CCDC110: variants seen among roughly 807,000 people sequenced by gnomAD.
CCDC110 encodes the protein coiled-coil domain containing 110, also known as coiled-coil domain-containing protein 110.
In CCDC110, 70 loss-of-function variants were observed where a neutral mutation model predicts 77.1. That is an observed-to-expected ratio of 0.91 (90% CI 0.75 to 1.11). The LOEUF (loss-of-function observed/expected upper bound fraction) is 1.11, where lower values mean the gene tolerates loss of function less well. Ranked by LOEUF, CCDC110 falls within the 50% of genes least tolerant of loss-of-function variation. The pLI is 0.00. For synonymous variants in CCDC110, 295 were observed against 312.5 expected, an observed-to-expected ratio of 0.94 and a Z score of 0.59; for missense variants, 868 against 942.9, an observed-to-expected ratio of 0.92 and a Z score of 1.04.
chr4:185,458,998 A>G lies in CCDC110; in HGVS notation c.1589T>C (p.Ile530Thr). 1 of 1,600,672 alleles carries G rather than the reference A, an allele frequency of 6.2e-7. No individual in the cohort carries two copies. The highest frequency in any genetic ancestry group is 8.5e-7 in the Non-Finnish European group (1 of 1,176,434). Residue 530 changes from isoleucine to threonine, a missense_variant, in exon 6 of 7, where the codon ATA becomes ACA. Coordinates refer to ENST00000307588, the MANE Select transcript of CCDC110 (RefSeq NM_152775.4). ...GQNKTLEEKN[I>T]QLSLEKQQMM... is the part of the protein sequence containing the mutation. ...TTGTTGCTTCTCTAAAGAAAGTTGT[A>G]TATTTTTTTCCTCTAGAGTTTTATT... is the stretch of plus-strand genomic sequence containing the variant.
Position 185,445,417 on chromosome 4 carries a change from T to A in CCDC110, c.*85A>T. 1 of 955,516 alleles carries A rather than the reference T, an allele frequency of 1.0e-6. No individual in the cohort carries two copies. Among genetic ancestry groups the A allele is most frequent in the Non-Finnish European group, 1.6e-6 (1 of 614,900 alleles). The allele number at this position is 955,516 out of a possible 1,614,324, so 59.2% of individuals were successfully genotyped here. A position where few individuals can be genotyped will look rare whatever the true frequency, so the allele number is the denominator to read the frequency against. On this transcript the variant is annotated 3_prime_UTR_variant, in exon 7 of 7. Coordinates refer to ENST00000307588, the MANE Select transcript of CCDC110 (RefSeq NM_152775.4). ...GCGCCTCATTATGAGTCATTTGAGA[T>A]GAGTTAGATATGCATAGTTCAGTTA... is the stretch of plus-strand genomic sequence containing the variant.
intron 6 of CCDC110, 93 bp from the exon 7 acceptor site, chr4:185,445,635 T>C: frequency 1.3e-6 from 1 of 789,208 alleles, no homozygotes; most frequent in Non-Finnish European, 2.0e-6. Flanking sequence ...TCTTAAAACT[T>C]CAATTTTATC....
Position 185,471,069 on chromosome 4 carries a change from GGCT to G in CCDC110, c.11-23_11-21del. ...GCTTTTCTGTAACAGAACCGTCCGG[GGCT>G]GTTCTGTCGCGGGTCGTGGCGTGGC... On this transcript the variant is annotated intron_variant, in intron 1 of 6. Coordinates refer to ENST00000307588, the MANE Select transcript of CCDC110 (RefSeq NM_152775.4). 1 of 1,487,244 alleles carries G rather than the reference GGCT, an allele frequency of 6.7e-7. No individual in the cohort carries two copies. The highest frequency in any genetic ancestry group is 2.2e-5 in the African/African-American group (1 of 45,896). 92.1% of individuals were successfully genotyped at this position (1,487,244 alleles called of 1,614,324 possible).
Position 185,471,721 on chromosome 4 carries a change from C to T in CCDC110, c.-38G>A. 3 of 1,522,544 alleles carry T rather than the reference C, an allele frequency of 2.0e-6. No individual in the cohort carries two copies. In the South Asian group the frequency reaches 3.7e-5, roughly 19 times the overall value. The allele number at this position is 1,522,544 out of a possible 1,614,324, so 94.3% of individuals were successfully genotyped here. A position where few individuals can be genotyped will look rare whatever the true frequency, so the allele number is the denominator to read the frequency against. On this transcript the variant is annotated 5_prime_UTR_variant, in exon 1 of 7. Coordinates refer to ENST00000307588, the MANE Select transcript of CCDC110 (RefSeq NM_152775.4). ...TCTCTCTCGCAACCGCCGCCGCACG[C>T]ACCCGCTCCGCCGCCCCGCGCAGGG...
intron 6 of CCDC110, chr4:185,457,716 G>C: frequency 8.5e-7 from 1 of 1,177,064 alleles, no homozygotes; most frequent in Non-Finnish European, 1.1e-6. Context: ...ATTATTTTGT[G>C]GGGGGAAAAA....
At chr4:185,466,356 CAA>C (rs1459394268) in intron 2 of CCDC110, among the ~76,000 whole-genome samples, 3 of 151,982 alleles carry the variant, frequency 2.0e-5, no homozygotes, top group Admixed American at 6.6e-5. Flanking sequence ...GCCTGGGAGA[CAA>C]GAGCGAAACT....
At chr4:185,458,058 C>T (rs1580178846) in intron 6 of CCDC110, 68 bp downstream of exon 6, 2 of 1,080,108 alleles carry the variant, frequency 1.9e-6, no homozygotes, top group Admixed American at 2.8e-5. Context: ...TATTTCTGTA[C>T]TCTGTAGTGC....
chr4:185,470,927 A>C lies in CCDC110; in HGVS notation c.115+18T>G, dbSNP rs2095664990. On this transcript the variant is annotated intron_variant, in intron 2 of 6. Transcript: ENST00000307588. Reference sequence around the variant, plus strand: ...CTGTGTATAGTTAAAGGAGCCTTTTACGGTCTGGCGATTTTACCTGTGTCA... The same window carrying C: ...CTGTGTATAGTTAAAGGAGCCTTTTCCGGTCTGGCGATTTTACCTGTGTCA... 6.4e-7 allele frequency: 1 copy of C among 1,559,568 alleles called. No individual in the cohort carries two copies. The highest frequency in any genetic ancestry group is 8.8e-7 in the Non-Finnish European group (1 of 1,131,266).
intron 6 of CCDC110, among the ~76,000 whole-genome samples, chr4:185,451,812 T>C (rs1192065736): frequency 6.6e-6 from 1 of 152,224 alleles, no homozygotes; most frequent in Non-Finnish European, 1.5e-5. Flanking sequence ...AATCTGTCTT[T>C]ATAGTTAATT....
At position 185,447,401 on chromosome 4, in the gene CCDC110, T is replaced by C. The variant is rs536071556; in HGVS notation, c.2462-1859A>G. Among the ~76,000 whole-genome samples, 1,278 of 152,168 alleles carry C rather than the reference T, an allele frequency of 8.4e-3. 21 individuals are homozygous for C. The highest frequency in any genetic ancestry group is 0.04 in the South Asian group (191 of 4,816). Reference sequence around the variant, plus strand: ...TTCACTGTGTTAGCCAGGATGGACTTGATCTCCTGACCTCGTGATCCACCC... The same window carrying C: ...TTCACTGTGTTAGCCAGGATGGACTCGATCTCCTGACCTCGTGATCCACCC... On this transcript the variant is annotated intron_variant, in intron 6 of 6. Coordinates refer to ENST00000307588, the MANE Select transcript of CCDC110 (RefSeq NM_152775.4).
chr4:185,462,397 A>T (rs1268935755), intron 4 of CCDC110, among the ~76,000 whole-genome samples: 1 of 152,216 alleles, frequency 6.6e-6, no homozygotes, highest in Non-Finnish European at 1.5e-5. Flanking sequence ...TGTAGTCTAT[A>T]TATAGACTTT....
rs1334368777 is a variant in CCDC110 at position 185,468,775 on chromosome 4, C to A, written c.115+2170G>T. Among the ~76,000 whole-genome samples the A allele has an allele frequency of 6.6e-6, 1 of 152,134 alleles. No individual in the cohort carries two copies. Among genetic ancestry groups the A allele is most frequent in the Non-Finnish European group, 1.5e-5 (1 of 68,028 alleles). ...ACCTCTGCCACTCCAAATATTCCTC[C>A]CCCCCTTCTCAGCCTTATGTTCTCC... On this transcript the variant is annotated intron_variant, in intron 2 of 6. Transcript: ENST00000307588. This position sits in a 1 kb window ranked among gnomAD's most constrained non-coding sequence, Gnocchi z 4.5.
chr4:185,454,820 T>G (rs2153319310), intron 6 of CCDC110, among the ~76,000 whole-genome samples: 1 of 152,270 alleles, frequency 6.6e-6, no homozygotes, highest in East Asian at 1.9e-4. Context: ...TGGAGTGCAG[T>G]GGCACAATTA....
At chr4:185,450,091 G>T (rs897391354) in intron 6 of CCDC110, among the ~76,000 whole-genome samples, 1 of 152,106 alleles carries the variant, frequency 6.6e-6, no homozygotes, top group Non-Finnish European at 1.5e-5. Flanking sequence ...TAACATCAAA[G>T]ATAAATGTTA....
intron 6 of CCDC110, chr4:185,457,805 A>G: frequency 7.0e-7 from 1 of 1,438,680 alleles, no homozygotes; most frequent in Non-Finnish European, 9.2e-7. Flanking sequence ...GATACAGTTT[A>G]CTTGGAATTC....
At position 185,468,969 on chromosome 4, in the gene CCDC110, A is replaced by C. The variant is rs553114270; in HGVS notation, c.115+1976T>G. ...AGGTGCTCAAAAGAATATGCTCCACAAACGAATGAATGAATGAAAGCTCGG... is the reference window on the plus strand; with the variant it reads ...AGGTGCTCAAAAGAATATGCTCCACCAACGAATGAATGAATGAAAGCTCGG... On this transcript the variant is annotated intron_variant, in intron 2 of 6. Coordinates refer to ENST00000307588, the MANE Select transcript of CCDC110 (RefSeq NM_152775.4). The surrounding 1 kb of genome is among the most constrained non-coding windows in gnomAD (Gnocchi z 4.5). 1.3e-5 allele frequency among the ~76,000 whole-genome samples: 2 copies of C among 152,218 alleles called. No individual in the cohort carries two copies. The highest frequency in any genetic ancestry group is 2.9e-5 in the Non-Finnish European group (2 of 68,032).
In CCDC110 at chr4:185,460,048, G is replaced by A; in HGVS notation, c.539C>T (p.Ser180Phe). ...TGAAGGGTGTATAATTATGTTTGAA[G>A]ATAAATTGTCTGTTGAAGTTCTCAG... ...LTLRTSTDNL[S>F]SNIIIHPSEN... The change falls in exon 6 of 7, where the codon TCT (serine) becomes TTT (phenylalanine). Residue 180 changes from serine (S) to phenylalanine (F), a missense_variant. Transcript: ENST00000307588. 6.2e-7 allele frequency: 1 copy of A among 1,613,696 alleles called. No homozygotes were observed. The highest frequency in any genetic ancestry group is 1.1e-5 in the South Asian group (1 of 91,016).
chr4:185,462,229 G>A (rs550893872), intron 4 of CCDC110, among the ~76,000 whole-genome samples: 1 of 152,328 alleles, frequency 6.6e-6, no homozygotes, highest in South Asian at 2.1e-4. Flanking sequence ...GATACAGAGT[G>A]AGACCTATTT....
chr4:185,460,618 C>T (rs1411539766), intron 5 of CCDC110, among the ~76,000 whole-genome samples: 2 of 152,164 alleles, frequency 1.3e-5, no homozygotes, highest in African/African-American at 4.8e-5. Flanking sequence ...ATTTGTTAAC[C>T]TTAGCTTGCA....
Sources: allele counts gnomAD v4.1 joint callset (sites outside exome capture counted in the v4.1 genomes callset), GRCh38; gene constraint gnomAD v4.1.1; non-coding constraint Gnocchi (gnomAD v3.1); transcripts MANE v1.5; gene names NCBI Gene and HGNC (gene_info 2026-07-23, HGNC 2026-07-21).